The following BCL6 variants were observed in gnomAD, a reference collection of about 807,000 sequenced individuals.
The protein encoded by BCL6 is BCL6 transcription repressor.
Under a neutral mutation model 59.5 loss-of-function variants are expected in BCL6, and 7 were observed. The observed-to-expected ratio is 0.12, with a 90% CI of 0.07 to 0.22. The LOEUF (loss-of-function observed/expected upper bound fraction) is 0.22. Among genes scored for constraint, BCL6 ranks in the 10% least tolerant of loss-of-function variants. BCL6 has a pLI of 1.00. For synonymous variants in BCL6, 339 were observed against 349.7 expected, an observed-to-expected ratio of 0.97 and a Z score of 0.34; for missense variants, 685 against 939.4, an observed-to-expected ratio of 0.73 and a Z score of 3.54.
chr3:187,744,953 G>GT, intron 1 of BCL6, among the ~76,000 whole-genome samples: 1 of 152,226 alleles, frequency 6.6e-6, no homozygotes, highest in Non-Finnish European at 1.5e-5. Flanking sequence ...GGGCCAGACA[G>GT]CCCCCAGACT....
intron 1 of BCL6, among the ~76,000 whole-genome samples, chr3:187,743,597 A>G (rs1218438090): frequency 1.3e-5 from 2 of 152,014 alleles, no homozygotes; most frequent in Admixed American, 6.6e-5. Flanking sequence ...TCATTATTGC[A>G]ACACTAGTTC....
At chr3:187,734,052 G>GT (rs1448905670) in intron 2 of BCL6, among the ~76,000 whole-genome samples, 2 of 152,028 alleles carry the variant, frequency 1.3e-5, no homozygotes, top group Non-Finnish European at 2.9e-5. Context: ...TTTTGTTTTT[G>GT]TTTTTTGAGA....
chr3:187,722,505 G>A lies in BCL6; in HGVS notation c.2074C>T (p.Arg692Cys), dbSNP rs755174150. ...GAITNTKVQY[R>C]VSATDLPPEL... The stretch of plus-strand genomic sequence containing the variant: ...GGAGGCAGGTCAGTGGCTGACACGC[G>A]GTATTGCACCTTGGTGTTGGTGATG... The change falls in exon 10 of 10, where the codon CGC (arginine) becomes TGC (cysteine). Residue 692 changes from arginine (R) to cysteine (C), a missense_variant. By Grantham distance (180) the Arg-to-Cys change is radical. Transcript: ENST00000406870. The A allele has an allele frequency of 2.4e-5, 38 of 1,613,804 alleles. No homozygotes were observed. Among genetic ancestry groups the A allele is most frequent in the East Asian group, 4.5e-5 (2 of 44,880 alleles).
Position 187,725,101 on chromosome 3 carries a change from G to C in BCL6, c.1840-23C>G. 1 of 1,613,330 alleles carries C rather than the reference G, an allele frequency of 6.2e-7. No individual in the cohort carries two copies. The highest frequency in any genetic ancestry group is 8.5e-7 in the Non-Finnish European group (1 of 1,179,990). On this transcript the variant is annotated intron_variant, in intron 8 of 9. Transcript: ENST00000406870. This position sits in a 1 kb window ranked among gnomAD's most constrained non-coding sequence, Gnocchi z 4.7. ...CACCTGAACGAAGAAGAAGGCATGA[G>C]AGGTCTTCTGGGGTGGGCTGCAGGC...
chr3:187,745,074 A>T (rs766364952), intron 1 of BCL6, among the ~76,000 whole-genome samples: 1 of 151,936 alleles, frequency 6.6e-6, no homozygotes, highest in East Asian at 1.9e-4. Flanking sequence ...AACACAAGGG[A>T]GGGTGGCAAA....
chr3:187,737,729 G>A (rs1274016807), intron 1 of BCL6: 1 of 147,070 alleles, frequency 6.8e-6, no homozygotes, highest in Non-Finnish European at 1.5e-5. Flanking sequence ...GGTGCACCTC[G>A]GTAGCTAACA....
At chr3:187,744,501 G>A (rs1435302375) in intron 1 of BCL6, among the ~76,000 whole-genome samples, 1 of 152,048 alleles carries the variant, frequency 6.6e-6, no homozygotes. Flanking sequence ...CAAAACACTC[G>A]GCTCTCATTA....
intron 1 of BCL6, among the ~76,000 whole-genome samples, chr3:187,744,169 G>C (rs1711754876): frequency 6.6e-6 from 1 of 152,258 alleles, no homozygotes; most frequent in East Asian, 1.9e-4. Flanking sequence ...ACAGCCATTG[G>C]GAGCCAACAC....
intron 1 of BCL6, among the ~76,000 whole-genome samples, chr3:187,739,144 G>A (rs778620315): frequency 3.3e-5 from 5 of 152,138 alleles, no homozygotes; most frequent in Admixed American, 6.5e-5. Flanking sequence ...AGGCTACAGA[G>A]GCTGTTGGAT....
intron 1 of BCL6, among the ~76,000 whole-genome samples, chr3:187,744,421 G>C (rs556393084): frequency 6.6e-6 from 1 of 151,044 alleles, no homozygotes; most frequent in East Asian, 2.0e-4. Context: ...CTACAACCAA[G>C]AAAGAATAAT....
chr3:187,744,001 A>C, intron 1 of BCL6, among the ~76,000 whole-genome samples: 1 of 152,140 alleles, frequency 6.6e-6, no homozygotes, highest in Admixed American at 6.5e-5. Context: ...CTTGCACATA[A>C]GGAACGCGGG....
intron 1 of BCL6, chr3:187,736,753 C>T (rs974749550): frequency 1.3e-5 from 2 of 152,338 alleles, no homozygotes; most frequent in Non-Finnish European, 1.5e-5. Context: ...ACCAGCCCCC[C>T]CCAACTCCTG....
rs1192375178 is a variant in BCL6, at chr3:187,727,024, G to A, written c.1541-126C>T. 2.5e-5 allele frequency: 26 copies of A among 1,050,264 alleles called. No individual in the cohort carries two copies. The East Asian group carries it at 3.9e-4, about 16-fold the overall frequency. 65.1% of individuals were successfully genotyped at this position (1,050,264 alleles called of 1,614,324 possible). A position where few individuals can be genotyped will look rare whatever the true frequency, so the allele number is the denominator to read the frequency against. On this transcript the variant is annotated intron_variant, in intron 6 of 9. Coordinates refer to ENST00000406870, the MANE Select transcript of BCL6 (RefSeq NM_001706.5). ...CTCTCAGTCCCTCACTCACCCACCCGACATTCATGGGAGCTCGGAGCAAAG... is the reference window on the plus strand; with the variant it reads ...CTCTCAGTCCCTCACTCACCCACCCAACATTCATGGGAGCTCGGAGCAAAG...
At chr3:187,733,500 G>C in intron 3 of BCL6, 33 bp downstream of exon 3, 1 of 1,605,416 alleles carries the variant, frequency 6.2e-7, no homozygotes, top group Non-Finnish European at 8.5e-7. Flanking sequence ...ACCCCACTTT[G>C]ACTTACCCAC....
In BCL6 at chr3:187,728,485, G is replaced by A. The variant is rs1466913399; in HGVS notation, c.1415C>T (p.Pro472Leu). Residue 472 changes from proline (P) to leucine (L), a missense_variant, in exon 6 of 10, where the codon CCC (proline) becomes CTC (leucine). Physicochemically the swap from Pro to Leu is moderately conservative, Grantham distance 98 (BLOSUM62 -3). Transcript: ENST00000406870. ...AGAGCCGCAGGACGTGCACTTCGGG[G>A]GGTGCATGTAGAGTGGTGAGTGGCT... ...SESHSPLYMH[P>L]PKCTSCGSQS... 6.2e-7 allele frequency: 1 copy of A among 1,611,836 alleles called. No individual in the cohort carries two copies. Among genetic ancestry groups the A allele is most frequent in the Non-Finnish European group, 8.5e-7 (1 of 1,179,682 alleles).
intron 1 of BCL6, among the ~76,000 whole-genome samples, chr3:187,744,766 G>A (rs964868303): frequency 6.6e-6 from 1 of 152,040 alleles, no homozygotes; most frequent in African/African-American, 2.4e-5. Context: ...GGAAGAAGAG[G>A]CGAGGAAAAA....
At position 187,728,014 on chromosome 3, in the gene BCL6, T is replaced by C. The variant is rs890231877; in HGVS notation, c.1540+346A>G. On this transcript the variant is annotated intron_variant, in intron 6 of 9. Transcript: ENST00000406870. The stretch of plus-strand genomic sequence containing the variant: ...ATGTACAGCCTGGCAGAGAATAACA[T>C]GCACACAGGTCAGTCCTAGTCATTT... Among the ~76,000 whole-genome samples the C allele has an allele frequency of 3.3e-5, 5 of 152,140 alleles. No homozygotes were observed. The South Asian group carries it at 6.2e-4, about 19-fold the overall frequency.
Position 187,745,362 on chromosome 3 carries a change from G to A in BCL6, c.-50+48C>T, listed in dbSNP as rs540575612. ...CAGCGGCACCAGCGGCAACAGCGGCGGCGGCGGCAGTAGCAGCAGCAGCGG... is the reference window on the plus strand; with the variant it reads ...CAGCGGCACCAGCGGCAACAGCGGCAGCGGCGGCAGTAGCAGCAGCAGCGG... On this transcript the variant is annotated intron_variant, in intron 1 of 9. Coordinates refer to ENST00000406870, the MANE Select transcript of BCL6 (RefSeq NM_001706.5). The A allele has an allele frequency of 2.6e-4, 104 of 402,120 alleles. 2 individuals are homozygous for A. In the South Asian group the frequency reaches 5.0e-3, roughly 19 times the overall value. The allele number at this position is 402,120 out of a possible 1,614,324, so 24.9% of individuals were successfully genotyped here. A position where few individuals can be genotyped will look rare whatever the true frequency, so the allele number is the denominator to read the frequency against.
At chr3:187,738,226 T>G (rs2108477087) in intron 1 of BCL6, among the ~76,000 whole-genome samples, 1 of 152,264 alleles carries the variant, frequency 6.6e-6, no homozygotes, top group Non-Finnish European at 1.5e-5. Flanking sequence ...TTTATTTGCT[T>G]TTTTCCCTCT....
Sources: allele counts gnomAD v4.1 joint callset (sites outside exome capture counted in the v4.1 genomes callset), GRCh38; gene constraint gnomAD v4.1.1; non-coding constraint Gnocchi (gnomAD v3.1); transcripts MANE v1.5; gene names NCBI Gene and HGNC (gene_info 2026-07-23, HGNC 2026-07-21).